The following COL21A1 variants were observed in gnomAD, a reference collection of about 807,000 sequenced individuals.
COL21A1 encodes collagen alpha-1(XXI) chain.
A neutral mutation model predicts 137.9 loss-of-function variants in COL21A1; 149 were observed. The ratio of observed to expected loss-of-function variants is 1.08; its 90% confidence interval spans 0.95 to 1.24. COL21A1 has a LOEUF of 1.24. COL21A1 is among the 50% of genes most tolerant of loss of function. The pLI is 0.00. For synonymous variants in COL21A1, 456 were observed against 391.5 expected, an observed-to-expected ratio of 1.16 and a Z score of -1.95; for missense variants, 1,167 against 1,158.4, an observed-to-expected ratio of 1.01 and a Z score of -0.11.
chr6:56,268,863 A>C (rs1369985248), intron 1 of COL21A1, among the ~76,000 whole-genome samples: 1 of 152,194 alleles, frequency 6.6e-6, no homozygotes, highest in African/African-American at 2.4e-5. Flanking sequence ...TTGAAACTCA[A>C]TACAAGGAAT....
At chr6:56,206,697 AATATATATATATATATATAT>A (rs1204449084) in intron 1 of COL21A1, among the ~76,000 whole-genome samples, 500 of 32,340 alleles carry the variant, frequency 0.015, 10 homozygotes, top group African/African-American at 0.068. Context: ...TAAATAAATA[AATATATATATATATATATAT>A]ATATATATAT....
chr6:56,195,437 T>C (rs1444796079), intron 1 of COL21A1, among the ~76,000 whole-genome samples: 1 of 151,854 alleles, frequency 6.6e-6, no homozygotes, highest in Non-Finnish European at 1.5e-5. Flanking sequence ...CTGAAACAAA[T>C]GTGGTGGGGG....
intron 1 of COL21A1, among the ~76,000 whole-genome samples, chr6:56,370,576 G>A (rs750998991): frequency 3.3e-5 from 5 of 152,084 alleles, no homozygotes; most frequent in Non-Finnish European, 5.9e-5. Flanking sequence ...AAAATAAACC[G>A]TACAATTGGG....
At chr6:56,108,731 A>G (rs1417018402) in intron 16 of COL21A1, among the ~76,000 whole-genome samples, 1 of 152,084 alleles carries the variant, frequency 6.6e-6, no homozygotes, top group South Asian at 2.1e-4. Context: ...AAGATATTCA[A>G]TAAGGTAGTT....
chr6:56,195,770 G>A (rs9475610), intron 1 of COL21A1, among the ~76,000 whole-genome samples: 3,294 of 152,226 alleles, frequency 0.022, 124 homozygotes, highest in African/African-American at 0.075. Flanking sequence ...TCCAGGAGCA[G>A]ACAGCTTCAT....
intron 1 of COL21A1, among the ~76,000 whole-genome samples, chr6:56,224,690 G>A (rs950339248): frequency 4.8e-4 from 73 of 152,058 alleles, no homozygotes; most frequent in African/African-American, 1.3e-3. Context: ...ATTATGGGCC[G>A]TTCTTTCTCT....
intron 1 of COL21A1, among the ~76,000 whole-genome samples, chr6:56,392,522 G>C (rs1313447411): frequency 6.6e-6 from 1 of 152,010 alleles, no homozygotes; most frequent in Non-Finnish European, 1.5e-5. Context: ...CAAAATAAAG[G>C]GCATCCAAAT....
chr6:56,353,607 A>G (rs1250034591), intron 1 of COL21A1, among the ~76,000 whole-genome samples: 1 of 152,228 alleles, frequency 6.6e-6, no homozygotes, highest in African/African-American at 2.4e-5. Flanking sequence ...CTAAGCCTGG[A>G]GTGGTTTATT....
intron 3 of COL21A1, among the ~76,000 whole-genome samples, chr6:56,174,664 T>C (rs1273231799): frequency 6.6e-6 from 1 of 152,016 alleles, no homozygotes; most frequent in Non-Finnish European, 1.5e-5. Context: ...ATTAAATCAG[T>C]AATCAAAACA....
intron 10 of COL21A1, among the ~76,000 whole-genome samples, chr6:56,147,668 G>A (rs1212398382): frequency 6.6e-6 from 1 of 151,972 alleles, no homozygotes; most frequent in Non-Finnish European, 1.5e-5. Context: ...ATACATACAT[G>A]TCTACACACA....
intron 12 of COL21A1, among the ~76,000 whole-genome samples, chr6:56,138,472 A>G (rs1457547959): frequency 1.3e-5 from 2 of 152,062 alleles, no homozygotes; most frequent in Non-Finnish European, 2.9e-5. Context: ...GAAGAGAAAG[A>G]GCCAACGAGA....
chr6:56,358,959 G>A (rs1765900749), intron 1 of COL21A1, among the ~76,000 whole-genome samples: 1 of 151,902 alleles, frequency 6.6e-6, no homozygotes, highest in Non-Finnish European at 1.5e-5. Context: ...TTCAACAGAT[G>A]TTTGGTTAAA....
chr6:56,188,587 C>T (rs1006426316), intron 1 of COL21A1, among the ~76,000 whole-genome samples: 5 of 152,164 alleles, frequency 3.3e-5, no homozygotes, highest in Admixed American at 6.5e-5. Flanking sequence ...CCCTGCCTGA[C>T]GGCTCTGAAG....
At chr6:56,207,834 C>T (rs1178516734) in intron 1 of COL21A1, among the ~76,000 whole-genome samples, 1 of 152,164 alleles carries the variant, frequency 6.6e-6, no homozygotes, top group African/African-American at 2.4e-5. Flanking sequence ...ACCTTATCCA[C>T]CACAATCAAA....
At chr6:56,097,311 A>C (rs895147837) in intron 17 of COL21A1, among the ~76,000 whole-genome samples, 1 of 152,070 alleles carries the variant, frequency 6.6e-6, no homozygotes, top group East Asian at 1.9e-4. Flanking sequence ...TTAGGAGAAA[A>C]AATTCATCTC....
chr6:56,350,785 G>A (rs528449289), intron 1 of COL21A1, among the ~76,000 whole-genome samples: 5 of 152,346 alleles, frequency 3.3e-5, no homozygotes, highest in African/African-American at 1.2e-4. Flanking sequence ...TTGGACTAGA[G>A]AAGAACAGCA....
intron 1 of COL21A1, among the ~76,000 whole-genome samples, chr6:56,191,682 C>T (rs903283032): frequency 2.8e-4 from 25 of 89,972 alleles, no homozygotes; most frequent in Non-Finnish European, 4.8e-4. Context: ...AGGAATACAA[C>T]TTACAAGGGA....
intron 1 of COL21A1, among the ~76,000 whole-genome samples, chr6:56,319,641 T>G (rs1228870497): frequency 6.6e-6 from 1 of 152,146 alleles, no homozygotes; most frequent in Non-Finnish European, 1.5e-5. Context: ...CCCGGCCTTT[T>G]TGTACATTTT....
intron 3 of COL21A1, 23 bp downstream of exon 3, chr6:56,179,555 T>C: frequency 6.4e-7 from 1 of 1,567,172 alleles, no homozygotes; most frequent in Non-Finnish European, 8.7e-7. Context: ...TTCCAAATTA[T>C]ATTAAGGCAT....
Sources: allele counts gnomAD v4.1 joint callset (sites outside exome capture counted in the v4.1 genomes callset), GRCh38; gene constraint gnomAD v4.1.1; transcripts MANE v1.5; gene names NCBI Gene and HGNC (gene_info 2026-07-23, HGNC 2026-07-21).